Variants in CNTNAP4 observed in about 807,000 individuals in gnomAD.
The protein encoded by CNTNAP4 is contactin associated protein family member 4.
In CNTNAP4, 98 loss-of-function variants were observed where a neutral mutation model predicts 148.4. The ratio of observed to expected loss-of-function variants is 0.66; its 90% confidence interval spans 0.56 to 0.78. CNTNAP4 has a LOEUF of 0.78. Ranked by LOEUF, CNTNAP4 falls within the 30% of genes least tolerant of loss-of-function variation. The pLI, the probability that CNTNAP4 is intolerant of heterozygous loss-of-function variation, is 0.00. For synonymous variants in CNTNAP4, 730 were observed against 565.1 expected, an observed-to-expected ratio of 1.29 and a Z score of -4.14; for missense variants, 1,935 against 1,565.6, an observed-to-expected ratio of 1.24 and a Z score of -3.98.
chr16:76,427,897 A>G (rs1338853347), intron 4 of CNTNAP4, among the ~76,000 whole-genome samples: 1 of 152,194 alleles, frequency 6.6e-6, no homozygotes, highest in Non-Finnish European at 1.5e-5. Flanking sequence ...ACTTTCAAAT[A>G]TTAGAAGTTT....
intron 8 of CNTNAP4, among the ~76,000 whole-genome samples, chr16:76,461,200 A>G (rs1260229681): frequency 1.3e-5 from 2 of 152,188 alleles, no homozygotes; most frequent in Non-Finnish European, 2.9e-5. Context: ...ATCACAAACA[A>G]ACTTACAAAA....
At chr16:76,397,607 A>C (rs993877865) in intron 3 of CNTNAP4, among the ~76,000 whole-genome samples, 3 of 151,928 alleles carry the variant, frequency 2.0e-5, no homozygotes, top group African/African-American at 7.3e-5. Flanking sequence ...GTAAATATTT[A>C]ACAATTAACA....
At chr16:76,428,702 G>A (rs1293234814) in intron 4 of CNTNAP4, among the ~76,000 whole-genome samples, 1 of 151,418 alleles carries the variant, frequency 6.6e-6, no homozygotes, top group Non-Finnish European at 1.5e-5. Context: ...ATTCCTCCAG[G>A]GCCTACAGAA....
At chr16:76,323,256 C>T (rs1435951504) in intron 2 of CNTNAP4, among the ~76,000 whole-genome samples, 2 of 150,818 alleles carry the variant, frequency 1.3e-5, no homozygotes, top group Non-Finnish European at 2.9e-5. Context: ...TAGTCAAAAT[C>T]TGTGAATTAG....
intron 1 of CNTNAP4, among the ~76,000 whole-genome samples, chr16:76,304,947 C>G (rs924582049): frequency 2.6e-5 from 4 of 152,144 alleles, no homozygotes; most frequent in African/African-American, 9.7e-5. Flanking sequence ...AGTCTGTTCA[C>G]TTTTATTGCA....
intron 3 of CNTNAP4, among the ~76,000 whole-genome samples, chr16:76,385,215 T>TG (rs1441533912): frequency 1.3e-5 from 2 of 152,222 alleles, no homozygotes; most frequent in Non-Finnish European, 2.9e-5. Context: ...AAGAGCTATG[T>TG]GATAAGTACA....
intron 3 of CNTNAP4, among the ~76,000 whole-genome samples, chr16:76,411,569 T>C (rs1458142305): frequency 1.3e-5 from 2 of 151,358 alleles, no homozygotes; most frequent in African/African-American, 2.4e-5. Context: ...TGATAAATTA[T>C]GTGATATCTA....
At chr16:76,415,859 T>G (rs1351824242) in intron 3 of CNTNAP4, among the ~76,000 whole-genome samples, 1 of 151,388 alleles carries the variant, frequency 6.6e-6, no homozygotes, top group Non-Finnish European at 1.5e-5. Flanking sequence ...TTTAATTGTT[T>G]TATGTTGTTG....
chr16:76,541,966 A>T (rs988060842), intron 21 of CNTNAP4, among the ~76,000 whole-genome samples: 1 of 152,238 alleles, frequency 6.6e-6, no homozygotes, highest in African/African-American at 2.4e-5. Flanking sequence ...TAAGACTGAC[A>T]TGTGTATCAT....
intron 10 of CNTNAP4, among the ~76,000 whole-genome samples, chr16:76,471,193 C>G (rs2081361955): frequency 6.6e-6 from 1 of 152,096 alleles, no homozygotes; most frequent in Admixed American, 6.6e-5. Flanking sequence ...AGTCCAGGGA[C>G]TTCGGAGAGG....
At chr16:76,458,173 A>C (rs2080807214) in intron 8 of CNTNAP4, among the ~76,000 whole-genome samples, 1 of 152,174 alleles carries the variant, frequency 6.6e-6, no homozygotes, top group Non-Finnish European at 1.5e-5. Flanking sequence ...TATATGTGCC[A>C]CATTTTCTTT....
chr16:76,432,254 C>T (rs1179156807), intron 4 of CNTNAP4, among the ~76,000 whole-genome samples: 1 of 152,106 alleles, frequency 6.6e-6, no homozygotes, highest in East Asian at 1.9e-4. Context: ...GTGATTATTA[C>T]AGGAAAATGG....
intron 4 of CNTNAP4, among the ~76,000 whole-genome samples, chr16:76,444,836 G>T (rs1035490615): frequency 1.3e-5 from 2 of 151,848 alleles, no homozygotes; most frequent in Non-Finnish European, 2.9e-5. Context: ...TAATGTACTC[G>T]CATTGTGAAT....
At chr16:76,321,162 C>G (rs1293729396) in intron 2 of CNTNAP4, among the ~76,000 whole-genome samples, 1 of 152,130 alleles carries the variant, frequency 6.6e-6, no homozygotes, top group South Asian at 2.1e-4. Context: ...GGTTGTTAAG[C>G]AATGTTTTCC....
At chr16:76,392,482 C>T (rs1406783480) in intron 3 of CNTNAP4, among the ~76,000 whole-genome samples, 1 of 152,004 alleles carries the variant, frequency 6.6e-6, no homozygotes, top group Admixed American at 6.6e-5. Flanking sequence ...TTCCGCAAAT[C>T]TACTTCTTAC....
intron 2 of CNTNAP4, among the ~76,000 whole-genome samples, chr16:76,340,625 A>G (rs545846113): frequency 1.3e-5 from 2 of 152,278 alleles, no homozygotes; most frequent in South Asian, 2.1e-4. Context: ...TCATGTCTTC[A>G]TTCAATACAT....
intron 15 of CNTNAP4, among the ~76,000 whole-genome samples, chr16:76,511,528 A>T (rs1395955630): frequency 6.6e-6 from 1 of 152,136 alleles, no homozygotes; most frequent in African/African-American, 2.4e-5. Flanking sequence ...ATAAACCGTT[A>T]AAAAAAGTGA....
intron 3 of CNTNAP4, among the ~76,000 whole-genome samples, chr16:76,417,787 C>T (rs1047924818): frequency 6.6e-6 from 1 of 151,616 alleles, no homozygotes; most frequent in African/African-American, 2.4e-5. Context: ...GGAAGGAATG[C>T]TCTCGATGCA....
At chr16:76,410,599 C>T (rs1378696284) in intron 3 of CNTNAP4, among the ~76,000 whole-genome samples, 1 of 151,728 alleles carries the variant, frequency 6.6e-6, no homozygotes, top group Non-Finnish European at 1.5e-5. Context: ...TCCCAAATGA[C>T]AGATGAGTTT....
Sources: gnomAD v4.1 joint callset for allele counts (sites outside exome capture counted in the v4.1 genomes callset) on GRCh38, gnomAD v4.1.1 for gene constraint, MANE v1.5 for transcripts, NCBI Gene and HGNC (gene_info 2026-07-23, HGNC 2026-07-21) for gene names.